The following CASQ1 variants were observed in gnomAD, a reference collection of about 807,000 sequenced individuals.
The protein encoded by CASQ1 is calsequestrin-1.
In CASQ1, 40 loss-of-function variants were observed where a neutral mutation model predicts 49.5. The ratio of observed to expected loss-of-function variants is 0.81; its 90% CI spans 0.63 to 1.05. The LOEUF (loss-of-function observed/expected upper bound fraction) is 1.05. CASQ1 is among the 50% of genes least tolerant of loss of function. The probability of loss-of-function intolerance (pLI) is 0.00; values close to 1 mark genes in which losing one functional copy is unlikely to be tolerated. For missense variants in CASQ1, 469 were observed against 486.9 expected (o/e 0.96, Z 0.35); for synonymous variants, 174 against 187.2 (o/e 0.93, Z 0.58).
At position 160,190,781 on chromosome 1, in the gene CASQ1, A is replaced by G. The variant is rs375183213; in HGVS notation, c.30A>G (p.Arg10=). MSATDRMGP[R]AVPGLRLALL... The stretch of plus-strand genomic sequence containing the variant: ...GTGCTACAGACAGGATGGGGCCCAG[A>G]GCTGTGCCGGGTCTGCGGCTGGCAC... The change falls in exon 1 of 11, where the codon AGA becomes AGG. Residue 10 remains arginine (R), a synonymous_variant. Transcript: ENST00000368078. 4.3e-6 allele frequency: 7 copies of G among 1,614,036 alleles called. No individual in the cohort carries two copies. Among genetic ancestry groups the G allele is most frequent in the Non-Finnish European group, 5.9e-6 (7 of 1,179,972 alleles).
chr1:160,191,932 G>A (rs958946899), intron 1 of CASQ1, among the ~76,000 whole-genome samples: 1 of 152,126 alleles, frequency 6.6e-6, no homozygotes, highest in African/African-American at 2.4e-5. Flanking sequence ...GCTAGAACCT[G>A]CCATCTGATT....
intron 9 of CASQ1, among the ~76,000 whole-genome samples, chr1:160,199,361 A>G (rs1654318660): frequency 1.3e-5 from 2 of 152,214 alleles, no homozygotes; most frequent in African/African-American, 2.4e-5. Flanking sequence ...TACACACTCA[A>G]TCATAGAATC....
chr1:160,195,716 A>G (rs908218991), intron 5 of CASQ1, among the ~76,000 whole-genome samples, 181 bp from the exon 6 acceptor site: 2 of 149,232 alleles, frequency 1.3e-5, no homozygotes, highest in African/African-American at 5.0e-5. Context: ...AGATGATCTA[A>G]CACCCCTCTC....
At chr1:160,192,036 C>T (rs1458918584) in intron 1 of CASQ1, among the ~76,000 whole-genome samples, 1 of 152,224 alleles carries the variant, frequency 6.6e-6, no homozygotes, top group Non-Finnish European at 1.5e-5. Flanking sequence ...AATCACAGTA[C>T]CTGAGTCTGT....
At chr1:160,197,139 C>T (rs1364784186) in intron 6 of CASQ1, among the ~76,000 whole-genome samples, 2 of 152,050 alleles carry the variant, frequency 1.3e-5, no homozygotes, top group African/African-American at 4.8e-5. Context: ...TCACTGCAAG[C>T]TCCCTTGCAG....
chr1:160,201,315 T>A lies in CASQ1; in HGVS notation c.1130T>A (p.Leu377Gln). ...LPSAEELEDW[L>Q]EDVLEGEINT... ...TCTGCTGAGGAGCTGGAGGACTGGC[T>A]GGAGGATGTCCTGGAGGGCGAGATC... Residue 377 changes from leucine (L) to glutamine (Q), a missense_variant, in exon 11 of 11, where the codon CTG becomes CAG. Coordinates refer to ENST00000368078, the MANE Select transcript of CASQ1 (RefSeq NM_001231.5). The A allele has an allele frequency of 6.2e-7, 1 of 1,608,378 alleles. No individual in the cohort carries two copies. Among genetic ancestry groups the A allele is most frequent in the Non-Finnish European group, 8.5e-7 (1 of 1,177,042 alleles).
At chr1:160,198,895 C>A in intron 8 of CASQ1, 58 bp from the exon 9 acceptor site, 1 of 1,232,636 alleles carries the variant, frequency 8.1e-7, no homozygotes, top group Non-Finnish European at 1.2e-6. Context: ...ACTCCTGTTT[C>A]ACCTGGGTCC....
chr1:160,196,457 G>C (rs1654237868), intron 6 of CASQ1, among the ~76,000 whole-genome samples: 1 of 150,876 alleles, frequency 6.6e-6, no homozygotes, highest in Non-Finnish European at 1.5e-5. Flanking sequence ...TCCCATGTTT[G>C]TTCTTTTTTT....
rs1210278600 is a variant in CASQ1, at chr1:160,198,799, G to A, written c.883+68G>A. On this transcript the variant is annotated intron_variant, in intron 8 of 10. Coordinates refer to ENST00000368078, the MANE Select transcript of CASQ1 (RefSeq NM_001231.5). ...GAGGTGGGTGTGTTTATTGGAGCATGGGCCTCACTAGGAGGCTTTCCTGGG... is the reference window on the plus strand; with the variant it reads ...GAGGTGGGTGTGTTTATTGGAGCATAGGCCTCACTAGGAGGCTTTCCTGGG... 8 of 1,425,880 alleles carry A rather than the reference G, an allele frequency of 5.6e-6. No homozygotes were observed. The Admixed American group carries it at 1.3e-4, about 24-fold the overall frequency. 88.3% of individuals were successfully genotyped at this position (1,425,880 alleles called of 1,614,324 possible). A position where few individuals can be genotyped will look rare whatever the true frequency, so the allele number is the denominator to read the frequency against.
At chr1:160,200,941 C>T (rs3827532) in intron 10 of CASQ1, among the ~76,000 whole-genome samples, 3,566 of 152,264 alleles carry the variant, frequency 0.023, 53 homozygotes, top group East Asian at 0.091. Context: ...TTCTTATAAG[C>T]CATGAAGAGC....
At chr1:160,199,986 C>A in intron 10 of CASQ1, 61 bp downstream of exon 10, 1 of 1,090,488 alleles carries the variant, frequency 9.2e-7, no homozygotes, top group Non-Finnish European at 1.4e-6. Flanking sequence ...ATAGCTAGCT[C>A]TCCTCCTCTC....
intron 10 of CASQ1, among the ~76,000 whole-genome samples, chr1:160,200,386 A>G (rs1654340728): frequency 6.6e-6 from 1 of 152,098 alleles, no homozygotes; most frequent in Admixed American, 6.5e-5. Context: ...GAATTCTCAG[A>G]CTAATTAGAG....
In CASQ1 at chr1:160,193,829, C is replaced by G; in HGVS notation, c.447C>G (p.Ile149Met). 1 of 1,612,144 alleles carries G rather than the reference C, an allele frequency of 6.2e-7. No individual in the cohort carries two copies. The highest frequency in any genetic ancestry group is 1.3e-5 in the African/African-American group (1 of 74,878). Reference protein sequence around the residue: ...EYDGEFSADTIVEFLLDVLED... With the variant: ...EYDGEFSADTMVEFLLDVLED... ...ATGGCGAGTTTTCTGCTGACACCATCGTGGAGTTTCTGCTTGATGTAAGGA... is the reference window on the plus strand; with the variant it reads ...ATGGCGAGTTTTCTGCTGACACCATGGTGGAGTTTCTGCTTGATGTAAGGA... Residue 149 changes from isoleucine (I) to methionine (M), a missense_variant, in exon 3 of 11, where the codon ATC (isoleucine) becomes ATG (methionine). Physicochemically the swap from Ile to Met is conservative, Grantham distance 10 (BLOSUM62 1). Transcript: ENST00000368078.
chr1:160,195,390 A>G (rs898192714), intron 4 of CASQ1, 71 bp from the exon 5 acceptor site: 23 of 1,398,556 alleles, frequency 1.6e-5, no homozygotes, highest in Non-Finnish European at 1.8e-5. Context: ...AGAATTGGGG[A>G]CGATAGTGGG....
chr1:160,195,170 T>C, intron 4 of CASQ1, 47 bp downstream of exon 4: 1 of 1,177,140 alleles, frequency 8.5e-7, no homozygotes. Flanking sequence ...GATCCCCATC[T>C]CACCTGTCCT....
rs761118711 is a variant in CASQ1, at chr1:160,201,423, C to T, written c.*47C>T. 6.1e-5 allele frequency: 97 copies of T among 1,603,006 alleles called. No individual in the cohort carries two copies. The highest frequency in any genetic ancestry group is 8.0e-5 in the Non-Finnish European group (94 of 1,172,498). Reference sequence around the variant, plus strand: ...AGCCCCACTGGTCTTTTCATGCTCTCTCCTGCCTTCCCTTGTCCTTCCCTG... The same window carrying T: ...AGCCCCACTGGTCTTTTCATGCTCTTTCCTGCCTTCCCTTGTCCTTCCCTG... On this transcript the variant is annotated 3_prime_UTR_variant, in exon 11 of 11. Coordinates refer to ENST00000368078, the MANE Select transcript of CASQ1 (RefSeq NM_001231.5).
At chr1:160,197,688 C>A in intron 7 of CASQ1, 74 bp downstream of exon 7, 1 of 1,001,250 alleles carries the variant, frequency 1.0e-6, no homozygotes. Flanking sequence ...AGAAAAACCC[C>A]ACCCTACTGC....
At chr1:160,197,750 G>A in intron 7 of CASQ1, 136 bp downstream of exon 7, 2 of 674,360 alleles carry the variant, frequency 3.0e-6, no homozygotes, top group East Asian at 2.7e-5. Context: ...TGGGTGTGGT[G>A]GCTCATGCCT....
chr1:160,199,302 T>C (rs1654317220), intron 9 of CASQ1, among the ~76,000 whole-genome samples: 1 of 152,134 alleles, frequency 6.6e-6, no homozygotes, highest in African/African-American at 2.4e-5. Flanking sequence ...TAGGGCTGAC[T>C]CCTAAAGAAA....
Sources: gnomAD v4.1 joint callset for allele counts (sites outside exome capture counted in the v4.1 genomes callset) on GRCh38, gnomAD v4.1.1 for gene constraint, MANE v1.5 for transcripts, NCBI Gene and HGNC (gene_info 2026-07-23, HGNC 2026-07-21) for gene names.